DDX10: variants seen among roughly 807,000 people sequenced by gnomAD.
The protein encoded by DDX10 is probable ATP-dependent RNA helicase DDX10.
A neutral mutation model predicts 104.3 loss-of-function variants in DDX10; 74 were observed. That is an observed-to-expected ratio of 0.71 (90% CI 0.59 to 0.86). DDX10 has a LOEUF of 0.86. Ranked by LOEUF, DDX10 falls within the 40% of genes least tolerant of loss-of-function variation. DDX10 has a pLI of 0.00. For synonymous variants in DDX10, 351 were observed against 353.4 expected (o/e 0.99, Z 0.08); for missense variants, 952 against 1,040.0 (o/e 0.92, Z 1.16).
At chr11:108,670,733 C>T (rs529198179) in intron 1 of DDX10, among the ~76,000 whole-genome samples, 2 of 152,142 alleles carry the variant, frequency 1.3e-5, no homozygotes, top group African/African-American at 4.8e-5. Flanking sequence ...CTGAATGACT[C>T]TTTGCATCTG....
At chr11:108,883,440 C>T (rs553490013) in intron 16 of DDX10, among the ~76,000 whole-genome samples, 7 of 152,240 alleles carry the variant, frequency 4.6e-5, no homozygotes, top group Middle Eastern at 6.8e-3. Context: ...CCCATCCTCT[C>T]GTTTCTCCTT....
intron 16 of DDX10, among the ~76,000 whole-genome samples, chr11:108,890,040 C>T (rs567910215): frequency 9.9e-5 from 15 of 152,132 alleles, no homozygotes; most frequent in South Asian, 4.2e-4. Context: ...CCAGATAATA[C>T]GGAATAAACC....
rs535305175 is a variant in DDX10 at position 108,710,695 on chromosome 11, G to A, written c.1322+3858G>A. Among the ~76,000 whole-genome samples, 4 of 152,224 alleles carry A rather than the reference G, an allele frequency of 2.6e-5. No individual in the cohort carries two copies. The South Asian group carries it at 8.3e-4, about 32-fold the overall frequency. On this transcript the variant is annotated intron_variant, in intron 10 of 17. Transcript: ENST00000322536. ...TATGGTGAATAAATCAGTAATAGTT[G>A]TTTATCATTTTCAAGTATTATGTAC...
chr11:108,910,266 G>T (rs759590603), intron 16 of DDX10, among the ~76,000 whole-genome samples: 1 of 152,182 alleles, frequency 6.6e-6, no homozygotes, highest in Non-Finnish European at 1.5e-5. Flanking sequence ...GGTGATGTAG[G>T]AGAAAACCCC....
intron 10 of DDX10, among the ~76,000 whole-genome samples, chr11:108,712,151 T>C (rs1354473929): frequency 6.6e-6 from 1 of 152,358 alleles, no homozygotes; most frequent in Non-Finnish European, 1.5e-5. Flanking sequence ...TAGCATGATA[T>C]ATTTTTTATC....
At chr11:108,896,354 A>T (rs1019365776) in intron 16 of DDX10, among the ~76,000 whole-genome samples, 4 of 148,520 alleles carry the variant, frequency 2.7e-5, no homozygotes, top group African/African-American at 4.9e-5. Context: ...TCCTTCACAT[A>T]TTTTTTTTTT....
At position 108,706,777 on chromosome 11, in the gene DDX10, C is replaced by G. The variant is rs1298707644; in HGVS notation, c.1262C>G (p.Pro421Arg). 11 of 1,613,780 alleles carry G rather than the reference C, an allele frequency of 6.8e-6. No homozygotes were observed. The highest frequency in any genetic ancestry group is 2.2e-5 in the East Asian group (1 of 44,870). ...GGTGAAGCTTTGCTAATTTTGCTAC[C>G]CTCAGAAAAAGCTATGGTGCAGCAG... Reference protein sequence around the residue: ...EDGEALLILLPSEKAMVQQLL... With the variant: ...EDGEALLILLRSEKAMVQQLL... The change falls in exon 10 of 18, where the codon CCC becomes CGC. Residue 421 changes from proline (P) to arginine (R), a missense_variant. Physicochemically the swap from Pro to Arg is moderately radical, Grantham distance 103 (BLOSUM62 -2). This residue lies in a region of DDX10 where 533 missense variants were observed against 534.1 expected (regional missense o/e 1.00). Transcript: ENST00000322536.
chr11:108,933,633 A>C (rs891389467), intron 17 of DDX10, among the ~76,000 whole-genome samples: 3 of 152,094 alleles, frequency 2.0e-5, no homozygotes, highest in African/African-American at 7.2e-5. Flanking sequence ...TTACAATATA[A>C]TTTCCCTTCC....
intron 14 of DDX10, among the ~76,000 whole-genome samples, chr11:108,838,814 G>C (rs529791165): frequency 1.1e-4 from 17 of 152,274 alleles, no homozygotes; most frequent in African/African-American, 4.1e-4. Flanking sequence ...TCTAGATTAT[G>C]TTTTTATAGA....
intron 13 of DDX10, among the ~76,000 whole-genome samples, chr11:108,745,835 G>A (rs2094331231): frequency 6.6e-6 from 1 of 152,132 alleles, no homozygotes; most frequent in South Asian, 2.1e-4. Context: ...GGTTAGATAT[G>A]TTGAAAATTA....
chr11:108,694,712 C>G (rs1268956353), intron 9 of DDX10, among the ~76,000 whole-genome samples: 2 of 152,136 alleles, frequency 1.3e-5, no homozygotes, highest in Non-Finnish European at 2.9e-5. Context: ...AACCCTGTCT[C>G]TACTACAAAT....
At chr11:108,841,150 A>C (rs752695998) in intron 14 of DDX10, among the ~76,000 whole-genome samples, 165 bp from the exon 15 acceptor site, 1 of 152,258 alleles carries the variant, frequency 6.6e-6, no homozygotes, top group Non-Finnish European at 1.5e-5. Context: ...TGACTAGGGC[A>C]GTCTCTTCTA....
intron 13 of DDX10, among the ~76,000 whole-genome samples, chr11:108,773,251 C>T (rs779553221): frequency 3.3e-5 from 5 of 152,288 alleles, no homozygotes; most frequent in East Asian, 1.9e-4. Context: ...TGAGTGAAAT[C>T]TACATGTAAG....
intron 13 of DDX10, among the ~76,000 whole-genome samples, chr11:108,795,383 G>GA (rs1404055942): frequency 1.3e-5 from 2 of 150,044 alleles, no homozygotes; most frequent in Non-Finnish European, 3.0e-5. Flanking sequence ...GTGCCATATT[G>GA]TGTGTACATA....
intron 13 of DDX10, among the ~76,000 whole-genome samples, chr11:108,758,666 A>G (rs965760935): frequency 6.6e-6 from 1 of 152,000 alleles, no homozygotes; most frequent in Non-Finnish European, 1.5e-5. Context: ...TTCAAAGCCA[A>G]CAACAGTGGG....
At chr11:108,890,370 A>T (rs1244622582) in intron 16 of DDX10, among the ~76,000 whole-genome samples, 1 of 152,122 alleles carries the variant, frequency 6.6e-6, no homozygotes, top group African/African-American at 2.4e-5. Context: ...ACTTCTTGGG[A>T]ATAACAAATG....
At chr11:108,759,562 A>C (rs2134513939) in intron 13 of DDX10, among the ~76,000 whole-genome samples, 1 of 152,188 alleles carries the variant, frequency 6.6e-6, no homozygotes, top group African/African-American at 2.4e-5. Context: ...TTTAGATTTT[A>C]AGATTGTCAT....
chr11:108,828,373 G>C (rs1480915254), intron 13 of DDX10, among the ~76,000 whole-genome samples: 2 of 152,002 alleles, frequency 1.3e-5, no homozygotes, highest in Admixed American at 1.3e-4. Context: ...TTATAAGTTA[G>C]CTCTCACATA....
chr11:108,669,170 T>C (rs61913964), intron 1 of DDX10, among the ~76,000 whole-genome samples: 8,466 of 151,882 alleles, frequency 0.056, 301 homozygotes, highest in Non-Finnish European at 0.085. Flanking sequence ...CATGGCTCAC[T>C]GTAGCCTTGA....
Sources: gnomAD v4.1 joint callset for allele counts (sites outside exome capture counted in the v4.1 genomes callset) on GRCh38, gnomAD v4.1.1 for gene constraint, gnomAD v4.1.1 regional missense constraint, MANE v1.5 for transcripts, NCBI Gene and HGNC (gene_info 2026-07-23, HGNC 2026-07-21) for gene names.